The following PRKN variants were observed in gnomAD, a reference collection of about 807,000 sequenced individuals.
PRKN encodes the protein E3 ubiquitin-protein ligase parkin.
In PRKN, 56 loss-of-function variants were observed where a neutral mutation model predicts 59.5. That is an observed-to-expected ratio of 0.94 (90% confidence interval 0.76 to 1.18). The LOEUF (loss-of-function observed/expected upper bound fraction) is 1.18, where lower values mean the gene tolerates loss of function less well. Among genes scored for constraint, PRKN ranks in the 50% most tolerant of loss-of-function variants. The probability of loss-of-function intolerance (pLI) is 0.00; values close to 1 mark genes in which losing one functional copy is unlikely to be tolerated. For synonymous variants in PRKN, 250 were observed against 222.1 expected (o/e 1.13, Z -1.12); for missense variants, 657 against 596.4 (o/e 1.10, Z -1.06).
intron 6 of PRKN, among the ~76,000 whole-genome samples, chr6:161,814,610 C>G (rs1483421576): frequency 6.6e-6 from 1 of 152,180 alleles, no homozygotes; most frequent in Admixed American, 6.5e-5. Flanking sequence ...TCAAGCAATT[C>G]TCCTGCCTCA....
intron 6 of PRKN, among the ~76,000 whole-genome samples, chr6:161,914,550 A>G (rs1320655327): frequency 6.6e-6 from 1 of 152,046 alleles, no homozygotes; most frequent in Non-Finnish European, 1.5e-5. Context: ...TGTAACTTTT[A>G]TTAAAAAGAA....
chr6:161,438,491 C>G (rs985234118), intron 9 of PRKN, among the ~76,000 whole-genome samples: 1 of 152,058 alleles, frequency 6.6e-6, no homozygotes, highest in African/African-American at 2.4e-5. Context: ...GCTGGGATTA[C>G]AGGCATCAGC....
intron 1 of PRKN, among the ~76,000 whole-genome samples, chr6:162,517,869 A>G (rs1777930830): frequency 6.6e-6 from 1 of 152,210 alleles, no homozygotes. Context: ...AGCTGTAGTT[A>G]TGAATAGATT....
At chr6:162,229,821 G>A (rs185548622) in intron 3 of PRKN, among the ~76,000 whole-genome samples, 27 of 152,188 alleles carry the variant, frequency 1.8e-4, no homozygotes, top group Admixed American at 1.1e-3. Context: ...GTATCCTTTC[G>A]ATCTGTTTGA....
In PRKN at chr6:161,973,299, T is replaced by C. The variant is rs1391488941; in HGVS notation, c.734+3A>G. ...GGAAGTGACACTATTTTTAGATCCT[T>C]ACCTGACGTCTGTGCACGTAATGCA... On this transcript the variant is annotated splice_donor_region_variant and intron_variant, in intron 6 of 11. Transcript: ENST00000366898. The C allele has an allele frequency of 1.9e-6, 3 of 1,594,592 alleles. No homozygotes were observed. The highest frequency in any genetic ancestry group is 2.7e-5 in the African/African-American group (2 of 74,550).
At position 161,547,450 on chromosome 6, in the gene PRKN, C is replaced by T. The variant is rs1277431279; in HGVS notation, c.1083+1404G>A. ...TATTCAAGATTTCACATTACATAAACCCTTCAACATTCTTAAAGCAAGGTC... is the reference window on the plus strand; with the variant it reads ...TATTCAAGATTTCACATTACATAAATCCTTCAACATTCTTAAAGCAAGGTC... On this transcript the variant is annotated intron_variant, in intron 9 of 11. Coordinates refer to ENST00000366898, the MANE Select transcript of PRKN (RefSeq NM_004562.3). This position sits in a 1 kb window ranked among gnomAD's most constrained non-coding sequence, Gnocchi z 4.0. Among the ~76,000 whole-genome samples, 1 of 152,120 alleles carries T rather than the reference C, an allele frequency of 6.6e-6. No homozygotes were observed. The highest frequency in any genetic ancestry group is 6.5e-5 in the Admixed American group (1 of 15,274).
chr6:162,099,651 T>A (rs1779883291), intron 4 of PRKN, among the ~76,000 whole-genome samples: 1 of 152,242 alleles, frequency 6.6e-6, no homozygotes, highest in African/African-American at 2.4e-5. Context: ...TAACTATTTT[T>A]AAATCAACAA....
Position 162,406,910 on chromosome 6 carries a change from A to G in PRKN, c.171+36400T>C, listed in dbSNP as rs376623271. 2.1e-4 allele frequency among the ~76,000 whole-genome samples: 32 copies of G among 152,192 alleles called. 1 individual carries two copies. The South Asian group carries it at 6.4e-3, about 31-fold the overall frequency. On this transcript the variant is annotated intron_variant, in intron 2 of 11. Transcript: ENST00000366898. Reference sequence around the variant, plus strand: ...AGATCTGGTATGGCTCTAGGAAGCTATTCTTGAAAGTTTAATAATGATTCC... The same window carrying G: ...AGATCTGGTATGGCTCTAGGAAGCTGTTCTTGAAAGTTTAATAATGATTCC...
chr6:161,604,101 C>A (rs1782194821), intron 7 of PRKN, among the ~76,000 whole-genome samples: 1 of 152,124 alleles, frequency 6.6e-6, no homozygotes, highest in Admixed American at 6.5e-5. Flanking sequence ...GCCACCTGGT[C>A]TATGGGATCT....
intron 6 of PRKN, among the ~76,000 whole-genome samples, chr6:161,826,793 G>A (rs915469687): frequency 3.9e-5 from 6 of 152,152 alleles, no homozygotes; most frequent in African/African-American, 1.4e-4. Flanking sequence ...ATGTAGGAAC[G>A]GACACGCTGA....
chr6:162,443,203 A>G, intron 2 of PRKN, 107 bp downstream of exon 2: 2 of 1,146,092 alleles, frequency 1.7e-6, no homozygotes, highest in Non-Finnish European at 2.6e-6. Context: ...ATCCCCAGGC[A>G]CTATTTATTC....
At chr6:162,263,995 C>T (rs1158047575) in intron 2 of PRKN, among the ~76,000 whole-genome samples, 1 of 152,116 alleles carries the variant, frequency 6.6e-6, no homozygotes, top group South Asian at 2.1e-4. Flanking sequence ...TCGATGTGGC[C>T]GGCCGCAGTG....
chr6:162,427,731 C>T (rs1164084040), intron 2 of PRKN, among the ~76,000 whole-genome samples: 1 of 151,790 alleles, frequency 6.6e-6, no homozygotes, highest in Non-Finnish European at 1.5e-5. Context: ...CTGCAAGCTC[C>T]ACTTCGCGGG....
intron 4 of PRKN, among the ~76,000 whole-genome samples, chr6:162,141,126 T>C (rs1424651847): frequency 1.3e-5 from 2 of 151,450 alleles, no homozygotes; most frequent in African/African-American, 4.9e-5. Flanking sequence ...TGAGACCCTG[T>C]CACCAAAATA....
intron 8 of PRKN, among the ~76,000 whole-genome samples, chr6:161,559,270 C>G (rs1405886538): frequency 6.6e-6 from 1 of 152,188 alleles, no homozygotes; most frequent in Non-Finnish European, 1.5e-5. Context: ...GCAGCACCCA[C>G]TTCCAGTGTA....
intron 2 of PRKN, among the ~76,000 whole-genome samples, chr6:162,347,727 C>T (rs983809083): frequency 6.6e-6 from 1 of 152,080 alleles, no homozygotes; most frequent in Admixed American, 6.6e-5. Context: ...TTAGAAATCT[C>T]CCATTACATT....
chr6:161,783,690 A>C (rs775194969), intron 7 of PRKN: 1 of 508,966 alleles, frequency 2.0e-6, no homozygotes, highest in South Asian at 1.5e-5. Flanking sequence ...GGCTTACCAA[A>C]ACAAAATTGT....
intron 9 of PRKN, among the ~76,000 whole-genome samples, chr6:161,491,172 T>A (rs2115271560): frequency 6.6e-6 from 1 of 152,328 alleles, no homozygotes; most frequent in South Asian, 2.1e-4. Context: ...CAGTTATATA[T>A]CAGATGACTT....
intron 2 of PRKN, among the ~76,000 whole-genome samples, chr6:162,356,731 A>C (rs969668509): frequency 6.8e-6 from 1 of 147,132 alleles, no homozygotes; most frequent in African/African-American, 2.5e-5. Context: ...TCACAGTAAT[A>C]AAGTGTGATT....
Sources: gnomAD v4.1 joint callset for allele counts (sites outside exome capture counted in the v4.1 genomes callset) on GRCh38, gnomAD v4.1.1 for gene constraint, Gnocchi (gnomAD v3.1) non-coding constraint, MANE v1.5 for transcripts, NCBI Gene and HGNC (gene_info 2026-07-23, HGNC 2026-07-21) for gene names.